The following ADARB2 variants were observed in gnomAD, a reference collection of about 807,000 sequenced individuals.
The protein encoded by ADARB2 is adenosine deaminase RNA specific B2 (inactive).
In ADARB2, 25 loss-of-function variants were observed where a neutral mutation model predicts 62.2. That is an observed-to-expected ratio of 0.40 (90% CI 0.29 to 0.56). ADARB2 has a LOEUF of 0.56. Among genes scored for constraint, ADARB2 ranks in the 20% least tolerant of loss-of-function variants. ADARB2 has a pLI of 0.43. For synonymous variants in ADARB2, 572 were observed against 500.8 expected, an observed-to-expected ratio of 1.14 and a Z score of -1.90; for missense variants, 1,071 against 1,077.4, an observed-to-expected ratio of 0.99 and a Z score of 0.08.
chr10:1,571,729 T>TGAGTAG (rs1832937055), intron 1 of ADARB2, among the ~76,000 whole-genome samples: 3 of 110,340 alleles, frequency 2.7e-5, no homozygotes, highest in Non-Finnish European at 5.4e-5. Context: ...CTGGTGAGTG[T>TGAGTAG]GCAGGTGAAT....
At chr10:1,518,080 A>C (rs1451201601) in intron 1 of ADARB2, among the ~76,000 whole-genome samples, 3 of 152,200 alleles carry the variant, frequency 2.0e-5, no homozygotes, top group Non-Finnish European at 1.5e-5. Flanking sequence ...GAGACAAAAC[A>C]GGCGATATTT....
At chr10:1,409,743 C>T (rs116930688) in intron 1 of ADARB2, among the ~76,000 whole-genome samples, 10,442 of 111,980 alleles carry the variant, frequency 0.093, 2,621 homozygotes, top group Non-Finnish European at 0.14. Context: ...TCAGTGGTGC[C>T]GAGGCCTGGT....
At chr10:1,472,328 G>A (rs550232304) in intron 1 of ADARB2, among the ~76,000 whole-genome samples, 3 of 152,320 alleles carry the variant, frequency 2.0e-5, no homozygotes, top group East Asian at 1.9e-4. Context: ...AGGGCCATGC[G>A]GCTCAGGGGT....
intron 3 of ADARB2, among the ~76,000 whole-genome samples, chr10:1,326,771 A>C (rs1440527630): frequency 9.0e-6 from 1 of 111,640 alleles, no homozygotes; most frequent in Non-Finnish European, 1.9e-5. Flanking sequence ...CTCTGGTAGC[A>C]CAGCCCCTCC....
intron 1 of ADARB2, among the ~76,000 whole-genome samples, chr10:1,625,308 T>C (rs1284504027): frequency 1.3e-5 from 2 of 152,294 alleles, no homozygotes; most frequent in East Asian, 1.9e-4. Flanking sequence ...AAAATACCCC[T>C]TTTTCCAGGG....
intron 1 of ADARB2, among the ~76,000 whole-genome samples, chr10:1,384,054 A>G (rs1832506141): frequency 6.6e-6 from 1 of 152,244 alleles, no homozygotes; most frequent in Non-Finnish European, 1.5e-5. Context: ...TAATTCAAGT[A>G]TGAAAAGCAT....
chr10:1,495,039 G>A (rs1831669533), intron 1 of ADARB2, among the ~76,000 whole-genome samples: 2 of 152,124 alleles, frequency 1.3e-5, no homozygotes, highest in Admixed American at 1.3e-4. Context: ...TGTTTTAGTA[G>A]GAAGTCTTGG....
intron 1 of ADARB2, among the ~76,000 whole-genome samples, chr10:1,433,463 C>T (rs940746896): frequency 5.3e-5 from 8 of 152,164 alleles, no homozygotes; most frequent in Non-Finnish European, 8.8e-5. Flanking sequence ...GCTGCTGGGT[C>T]GAAGTCTCCT....
chr10:1,263,233 TAACA>T (rs750227104), intron 4 of ADARB2, among the ~76,000 whole-genome samples: 2 of 152,120 alleles, frequency 1.3e-5, no homozygotes, highest in Non-Finnish European at 2.9e-5. Flanking sequence ...TATACATATG[TAACA>T]AACCTGCACG....
chr10:1,553,411 CGA>C (rs1378457803), intron 1 of ADARB2, among the ~76,000 whole-genome samples: 1 of 152,128 alleles, frequency 6.6e-6, no homozygotes, highest in African/African-American at 2.4e-5. Flanking sequence ...GTCAGCAGCG[CGA>C]GAGGCACCCG....
chr10:1,224,406 T>A (rs1021920090), intron 6 of ADARB2, among the ~76,000 whole-genome samples: 76 of 152,266 alleles, frequency 5.0e-4, no homozygotes, highest in Non-Finnish European at 8.7e-4. Context: ...TTTGAAGGGT[T>A]TTTTGTGTCT....
At chr10:1,501,401 C>G (rs1831767183) in intron 1 of ADARB2, among the ~76,000 whole-genome samples, 1 of 152,150 alleles carries the variant, frequency 6.6e-6, no homozygotes, top group Admixed American at 6.5e-5. Flanking sequence ...TGCCACACAG[C>G]CCAGTTGTAT....
chr10:1,685,597 C>G (rs1834588163), intron 1 of ADARB2, among the ~76,000 whole-genome samples: 1 of 152,336 alleles, frequency 6.6e-6, no homozygotes, highest in Middle Eastern at 3.4e-3. Context: ...AGAAATAACT[C>G]AAAGCCATTG....
intron 3 of ADARB2, among the ~76,000 whole-genome samples, chr10:1,281,965 T>C (rs1233396783): frequency 1.3e-5 from 2 of 152,230 alleles, no homozygotes; most frequent in Non-Finnish European, 2.9e-5. Context: ...AATTAAAATG[T>C]AGAGAGATTT....
At chr10:1,306,446 G>C (rs1329560098) in intron 3 of ADARB2, among the ~76,000 whole-genome samples, 1 of 151,940 alleles carries the variant, frequency 6.6e-6, no homozygotes, top group Admixed American at 6.6e-5. Context: ...CATGCTCATG[G>C]GTAGGAAGAA....
At chr10:1,286,513 G>A (rs940897518) in intron 3 of ADARB2, among the ~76,000 whole-genome samples, 1 of 152,148 alleles carries the variant, frequency 6.6e-6, no homozygotes, top group Non-Finnish European at 1.5e-5. Context: ...CCTAAAGGCG[G>A]ATGGCAAATT....
intron 1 of ADARB2, among the ~76,000 whole-genome samples, chr10:1,714,240 T>C (rs995202563): frequency 2.0e-5 from 3 of 152,214 alleles, no homozygotes; most frequent in Admixed American, 1.3e-4. Flanking sequence ...TTAGATTGCG[T>C]TCGCAGCTGT....
intron 1 of ADARB2, among the ~76,000 whole-genome samples, chr10:1,692,231 A>AT (rs1171602623): frequency 2.0e-5 from 3 of 152,290 alleles, no homozygotes; most frequent in East Asian, 1.9e-4. Flanking sequence ...TCAGTAGAGC[A>AT]TTTTTTCCTT....
chr10:1,657,631 A>T (rs1834188011), intron 1 of ADARB2, among the ~76,000 whole-genome samples: 1 of 152,200 alleles, frequency 6.6e-6, no homozygotes, highest in South Asian at 2.1e-4. Flanking sequence ...GCAGGCGGTT[A>T]CCAAGTAACA....
Sources: gnomAD v4.1 joint callset for allele counts (sites outside exome capture counted in the v4.1 genomes callset) on GRCh38, gnomAD v4.1.1 for gene constraint, MANE v1.5 for transcripts, NCBI Gene and HGNC (gene_info 2026-07-23, HGNC 2026-07-21) for gene names.